UGT2B17: variants seen among roughly 807,000 people sequenced by gnomAD.
UGT2B17 encodes the protein UDP-glucuronosyltransferase 2B17.
UGT2B17 carries 21 observed loss-of-function variants against 48.2 expected under a neutral mutation model. The ratio of observed to expected loss-of-function variants is 0.44; its 90% CI spans 0.31 to 0.63. UGT2B17 has a LOEUF of 0.63. Among genes scored for constraint, UGT2B17 ranks in the 20% least tolerant of loss-of-function variants. The pLI is 0.08. For missense variants in UGT2B17, 402 were observed against 696.1 expected (o/e 0.58, Z 4.75); for synonymous variants, 146 against 238.4 (o/e 0.61, Z 3.57).
chr4:68,543,790 A>G (rs577092945), intron 6 of UGT2B17, among the ~76,000 whole-genome samples: 1 of 126,108 alleles, frequency 7.9e-6, no homozygotes, highest in Non-Finnish European at 1.7e-5. Context: ...TGAATGCACA[A>G]GCCTCAGTAG....
chr4:68,543,701 T>A (rs1371868803), intron 6 of UGT2B17, among the ~76,000 whole-genome samples: 1 of 123,424 alleles, frequency 8.1e-6, no homozygotes. Flanking sequence ...ATTAGATGAA[T>A]GGCTAACTAG....
At chr4:68,547,551 C>T (rs1730838658) in intron 6 of UGT2B17, among the ~76,000 whole-genome samples, 1 of 124,688 alleles carries the variant, frequency 8.0e-6, no homozygotes, top group Non-Finnish European at 1.7e-5. Flanking sequence ...AAAGCAATGG[C>T]AACAAAAGCC....
Position 68,568,189 on chromosome 4 carries a change from T to G in UGT2B17, c.296A>C (p.Tyr99Ser). The change falls in exon 2 of 7, where the codon TAT (tyrosine) becomes TCT (serine). Residue 99 changes from tyrosine (Y) to serine (S), a missense_variant. Coordinates refer to ENST00000317746, the MANE Select transcript of UGT2B17 (RefSeq NM_001077.4). ...CCAAAATGTATTTTTTGAAATACTA[T>G]ATGTCCATCTATCGAACATTTTCAT... ...FFMKMFDRWTYSISKNTFWSY... is the reference protein window; with the variant it reads ...FFMKMFDRWTSSISKNTFWSY... 1.9e-5 allele frequency: 26 copies of G among 1,376,236 alleles called. 9 individuals are homozygous for G. The highest frequency in any genetic ancestry group is 2.5e-5 in the Non-Finnish European group (26 of 1,052,668). The allele number at this position is 1,376,236 out of a possible 1,614,324, so 85.3% of individuals were successfully genotyped here.
At position 68,544,560 on chromosome 4, in the gene UGT2B17, C is replaced by T. The variant is rs1336904948; in HGVS notation, c.1313+6117G>A. Among the ~76,000 whole-genome samples the T allele has an allele frequency of 2.4e-5, 3 of 125,372 alleles. 1 individual carries two copies. Among genetic ancestry groups the T allele is most frequent in the Non-Finnish European group, 3.4e-5 (2 of 59,388 alleles). The allele number at this position is 125,372 out of a possible 152,430, so 82.2% of individuals were successfully genotyped here. ...ACTATCGAGCAAAACAATCAGCTAA[C>T]ATCATAATGACAGGATCAAATTTAC... On this transcript the variant is annotated intron_variant, in intron 6 of 6. Coordinates refer to ENST00000317746, the MANE Select transcript of UGT2B17 (RefSeq NM_001077.4).
chr4:68,542,256 G>T (rs1470925009), intron 6 of UGT2B17, among the ~76,000 whole-genome samples: 1 of 126,514 alleles, frequency 7.9e-6, no homozygotes, highest in Non-Finnish European at 1.7e-5. Flanking sequence ...GTACCATTCT[G>T]TTTTGGTTAT....
In UGT2B17 at chr4:68,555,010, G is replaced by A. The variant is rs1273571861; in HGVS notation, c.1006-3099C>T. ...AATTAATTGGCTTAAGAAAATAAAAGTGCTTGAATTAAATACTTTGCCAGA... is the reference window on the plus strand; with the variant it reads ...AATTAATTGGCTTAAGAAAATAAAAATGCTTGAATTAAATACTTTGCCAGA... On this transcript the variant is annotated intron_variant, in intron 4 of 6. Coordinates refer to ENST00000317746, the MANE Select transcript of UGT2B17 (RefSeq NM_001077.4). Among the ~76,000 whole-genome samples, 8 of 125,190 alleles carry A rather than the reference G, an allele frequency of 6.4e-5. 1 individual carries two copies. Among genetic ancestry groups the A allele is most frequent in the Non-Finnish European group, 1.4e-4 (8 of 59,158 alleles). 82.1% of individuals were successfully genotyped at this position (125,190 alleles called of 152,430 possible).
chr4:68,568,730 G>A (rs1452231719), intron 1 of UGT2B17, among the ~76,000 whole-genome samples, 182 bp from the exon 2 acceptor site: 2 of 126,950 alleles, frequency 1.6e-5, no homozygotes, highest in African/African-American at 5.4e-5. Context: ...GTTAAGAACA[G>A]TGGCAGGTGA....
intron 6 of UGT2B17, among the ~76,000 whole-genome samples, chr4:68,550,025 A>T (rs1165828594): frequency 3.2e-5 from 4 of 125,380 alleles, no homozygotes; most frequent in Non-Finnish European, 5.1e-5. Context: ...TCGTTTACAA[A>T]ACACTATAAA....
At position 68,548,263 on chromosome 4, in the gene UGT2B17, A is replaced by G. The variant is rs1231218905; in HGVS notation, c.1313+2414T>C. On this transcript the variant is annotated intron_variant, in intron 6 of 6. Coordinates refer to ENST00000317746, the MANE Select transcript of UGT2B17 (RefSeq NM_001077.4). Reference sequence around the variant, plus strand: ...TGCAGCCATAAAAAATGATGAGTTCATGTCCTTTGCAGGGACATGGATGAA... The same window carrying G: ...TGCAGCCATAAAAAATGATGAGTTCGTGTCCTTTGCAGGGACATGGATGAA... 4.0e-5 allele frequency among the ~76,000 whole-genome samples: 5 copies of G among 126,106 alleles called. 1 individual carries two copies. Among genetic ancestry groups the G allele is most frequent in the Non-Finnish European group, 8.4e-5 (5 of 59,544 alleles). The allele number at this position is 126,106 out of a possible 152,430, so 82.7% of individuals were successfully genotyped here.
Position 68,567,776 on chromosome 4 carries a change from A to G in UGT2B17, c.709T>C (p.Tyr237His). 2.2e-6 allele frequency: 3 copies of G among 1,345,940 alleles called. 1 individual carries two copies. Among genetic ancestry groups the G allele is most frequent in the Non-Finnish European group, 2.9e-6 (3 of 1,042,014 alleles). 83.4% of individuals were successfully genotyped at this position (1,345,940 alleles called of 1,614,324 possible). ...CACGACTTACCTAGAACTTCACTAT[A>G]AAACTGGTCCCACTTCTTCAGATCA... Reference protein sequence around the residue: ...AYDLKKWDQFYSEVLGRPTTL... With the variant: ...AYDLKKWDQFHSEVLGRPTTL... The change falls in exon 2 of 7, where the codon TAT (tyrosine) becomes CAT (histidine). Residue 237 changes from tyrosine to histidine, a missense_variant. This residue lies in a region of UGT2B17 where 106 missense variants were observed against 169.8 expected (regional missense o/e 0.62). Transcript: ENST00000317746.
At position 68,542,174 on chromosome 4, in the gene UGT2B17, G is replaced by A. The variant is rs1182067491; in HGVS notation, c.1314-4270C>T. ...TTGTCAGGTTTGTCAAAGATCAGAT[G>A]GTTGTAGATGTGTAATGTTATTTCT... On this transcript the variant is annotated intron_variant, in intron 6 of 6. Transcript: ENST00000317746. 4.7e-5 allele frequency among the ~76,000 whole-genome samples: 6 copies of A among 126,326 alleles called. 1 individual carries two copies. The highest frequency in any genetic ancestry group is 6.7e-5 in the Non-Finnish European group (4 of 59,580). 82.9% of individuals were successfully genotyped at this position (126,326 alleles called of 152,430 possible). A position where few individuals can be genotyped will look rare whatever the true frequency, so the allele number is the denominator to read the frequency against.
intron 6 of UGT2B17, among the ~76,000 whole-genome samples, chr4:68,546,438 A>C (rs900607027): frequency 7.9e-6 from 1 of 126,436 alleles, no homozygotes; most frequent in African/African-American, 2.7e-5. Context: ...AAATAATAAG[A>C]GTTATCTATG....
In UGT2B17 at chr4:68,539,702, T is replaced by C. The variant is rs775691476; in HGVS notation, c.1314-1798A>G. On this transcript the variant is annotated intron_variant, in intron 6 of 6. Coordinates refer to ENST00000317746, the MANE Select transcript of UGT2B17 (RefSeq NM_001077.4). Reference sequence around the variant, plus strand: ...GACTAGAACATACTATTTTTATGAATTTGAATCTTATACAATTTACTTAGC... The same window carrying C: ...GACTAGAACATACTATTTTTATGAACTTGAATCTTATACAATTTACTTAGC... Among the ~76,000 whole-genome samples, 328 of 124,108 alleles carry C rather than the reference T, an allele frequency of 2.6e-3. 65 individuals carry two copies. Among genetic ancestry groups the C allele is most frequent in the Admixed American group, 3.4e-3 (41 of 11,924 alleles). 81.4% of individuals were successfully genotyped at this position (124,108 alleles called of 152,430 possible).
rs1730878009 is a variant in UGT2B17 at position 68,549,480 on chromosome 4, A to G, written c.1313+1197T>C. 1.6e-5 allele frequency among the ~76,000 whole-genome samples: 2 copies of G among 125,644 alleles called. 1 individual carries two copies. The highest frequency in any genetic ancestry group is 3.4e-5 in the Non-Finnish European group (2 of 59,402). The allele number at this position is 125,644 out of a possible 152,430, so 82.4% of individuals were successfully genotyped here. On this transcript the variant is annotated intron_variant, in intron 6 of 6. Coordinates refer to ENST00000317746, the MANE Select transcript of UGT2B17 (RefSeq NM_001077.4). The stretch of plus-strand genomic sequence containing the variant: ...ATAAGGTAAATAGAAAAATGACAAA[A>G]TGTTCACAAGATTAAAATAGAAATT...
At chr4:68,541,588 G>C (rs1240307902) in intron 6 of UGT2B17, among the ~76,000 whole-genome samples, 1 of 126,244 alleles carries the variant, frequency 7.9e-6, no homozygotes, top group African/African-American at 2.7e-5. Flanking sequence ...CCCTCATTCT[G>C]TAGGTTGCCT....
At position 68,539,475 on chromosome 4, in the gene UGT2B17, A is replaced by G. The variant is rs1287936620; in HGVS notation, c.1314-1571T>C. 1.6e-5 allele frequency among the ~76,000 whole-genome samples: 2 copies of G among 125,286 alleles called. 1 individual carries two copies. Among genetic ancestry groups the G allele is most frequent in the Non-Finnish European group, 3.4e-5 (2 of 59,502 alleles). The allele number at this position is 125,286 out of a possible 152,430, so 82.2% of individuals were successfully genotyped here. A position where few individuals can be genotyped will look rare whatever the true frequency, so the allele number is the denominator to read the frequency against. On this transcript the variant is annotated intron_variant, in intron 6 of 6. Coordinates refer to ENST00000317746, the MANE Select transcript of UGT2B17 (RefSeq NM_001077.4). ...TGATCTTACTAATAATTATGGTATT[A>G]AGATATTTATATATTTTATTAGATT...
chr4:68,539,250 C>T (rs1423472572), intron 6 of UGT2B17, among the ~76,000 whole-genome samples: 2 of 125,578 alleles, frequency 1.6e-5, no homozygotes, highest in African/African-American at 5.4e-5. Flanking sequence ...TTAGTCACTA[C>T]TTTTATCCTC....
Position 68,565,821 on chromosome 4 carries a change from A to G in UGT2B17, c.725-101T>C. The G allele has an allele frequency of 9.1e-6, 9 of 986,656 alleles. 1 individual carries two copies. The highest frequency in any genetic ancestry group is 1.2e-5 in the Non-Finnish European group (9 of 779,572). 61.1% of individuals were successfully genotyped at this position (986,656 alleles called of 1,614,324 possible). A position where few individuals can be genotyped will look rare whatever the true frequency, so the allele number is the denominator to read the frequency against. Reference sequence around the variant, plus strand: ...TTTTCCTGAAAGGACTTGGAATAACATACCTAAAAATATATAAAATGTCTG... The same window carrying G: ...TTTTCCTGAAAGGACTTGGAATAACGTACCTAAAAATATATAAAATGTCTG... On this transcript the variant is annotated intron_variant, in intron 2 of 6. Coordinates refer to ENST00000317746, the MANE Select transcript of UGT2B17 (RefSeq NM_001077.4).
intron 3 of UGT2B17, among the ~76,000 whole-genome samples, chr4:68,561,143 A>G (rs1271402982): frequency 8.1e-6 from 1 of 123,530 alleles, no homozygotes; most frequent in African/African-American, 2.8e-5. Context: ...GAGCCATTAC[A>G]TGACTATGAG....
Sources: allele counts gnomAD v4.1 joint callset (sites outside exome capture counted in the v4.1 genomes callset), GRCh38; gene constraint gnomAD v4.1.1; regional missense constraint gnomAD v4.1.1; transcripts MANE v1.5; gene names NCBI Gene and HGNC (gene_info 2026-07-23, HGNC 2026-07-21).